The following WIF1 variants were observed in gnomAD, a reference collection of about 807,000 sequenced individuals.
WIF1 encodes Wnt inhibitory factor 1.
A neutral mutation model predicts 53.5 loss-of-function variants in WIF1; 35 were observed. That is an observed-to-expected ratio of 0.65 (90% CI 0.50 to 0.87). The LOEUF (loss-of-function observed/expected upper bound fraction) is 0.87, where lower values mean the gene tolerates loss of function less well. Ranked by LOEUF, WIF1 falls within the 40% of genes least tolerant of loss-of-function variation. The pLI is 0.00. For synonymous variants in WIF1, 171 were observed against 170.4 expected, an observed-to-expected ratio of 1.00 and a Z score of -0.03; for missense variants, 467 against 476.8, an observed-to-expected ratio of 0.98 and a Z score of 0.19.
At chr12:65,079,467 A>G (rs926036162) in intron 2 of WIF1, among the ~76,000 whole-genome samples, 1 of 152,152 alleles carries the variant, frequency 6.6e-6, no homozygotes, top group South Asian at 2.1e-4. Flanking sequence ...ACAGAAATTT[A>G]TAAGCATTGG....
chr12:65,120,448 G>C lies in WIF1; in HGVS notation c.257C>G (p.Ser86Cys). Residue 86 changes from serine to cysteine, a missense_variant, in exon 2 of 10, where the codon TCC becomes TGC. Coordinates refer to ENST00000286574, the MANE Select transcript of WIF1 (RefSeq NM_007191.5). Reference protein sequence around the residue: ...RMPAIPVNIHSMNFTWQAAGQ... With the variant: ...RMPAIPVNIHCMNFTWQAAGQ... ...TGCAGCTTGCCAGGTAAAATTCATG[G>C]AATGGATATTGACAGGAATAGCTGG... 6.2e-7 allele frequency: 1 copy of C among 1,613,420 alleles called. No individual in the cohort carries two copies. The highest frequency in any genetic ancestry group is 8.5e-7 in the Non-Finnish European group (1 of 1,179,888).
chr12:65,076,981 C>A (rs930783464), intron 3 of WIF1, among the ~76,000 whole-genome samples: 2 of 151,610 alleles, frequency 1.3e-5, no homozygotes, highest in African/African-American at 4.9e-5. Flanking sequence ...GAAGGAAATA[C>A]ATTAGGATGA....
chr12:65,087,226 A>G (rs547219149), intron 2 of WIF1, among the ~76,000 whole-genome samples: 9 of 152,276 alleles, frequency 5.9e-5, no homozygotes, highest in African/African-American at 2.2e-4. Context: ...TTCTTCATCA[A>G]TATCTAATTC....
chr12:65,104,082 T>C (rs1023242356), intron 2 of WIF1, among the ~76,000 whole-genome samples: 5 of 152,020 alleles, frequency 3.3e-5, no homozygotes, highest in African/African-American at 1.2e-4. Context: ...AAAAAATGAG[T>C]GCCTTTAGCT....
chr12:65,088,176 C>T (rs1883069405), intron 2 of WIF1, among the ~76,000 whole-genome samples: 1 of 152,146 alleles, frequency 6.6e-6, no homozygotes, highest in African/African-American at 2.4e-5. Flanking sequence ...TCCCAATCCC[C>T]AAGAAATTCT....
At chr12:65,097,638 A>T (rs963861221) in intron 2 of WIF1, among the ~76,000 whole-genome samples, 1 of 152,152 alleles carries the variant, frequency 6.6e-6, no homozygotes, top group African/African-American at 2.4e-5. Flanking sequence ...TCATTTATTC[A>T]TACTAGTCTA....
At chr12:65,107,164 C>T (rs1385631277) in intron 2 of WIF1, among the ~76,000 whole-genome samples, 1 of 152,130 alleles carries the variant, frequency 6.6e-6, no homozygotes, top group Non-Finnish European at 1.5e-5. Flanking sequence ...TTTTACATTG[C>T]CATCTGCTGG....
chr12:65,094,319 G>C (rs1883169125), intron 2 of WIF1, among the ~76,000 whole-genome samples: 1 of 152,128 alleles, frequency 6.6e-6, no homozygotes, highest in East Asian at 1.9e-4. Flanking sequence ...ATATATCGGG[G>C]GGAAAATACT....
chr12:65,062,727 T>C, intron 6 of WIF1, 151 bp from the exon 7 acceptor site: 1 of 700,202 alleles, frequency 1.4e-6, no homozygotes, highest in Non-Finnish European at 2.4e-6. Context: ...AAATACAAAA[T>C]TTGTACCAAT....
chr12:65,109,039 AAC>A (rs1448440232), intron 2 of WIF1, among the ~76,000 whole-genome samples: 3 of 152,164 alleles, frequency 2.0e-5, no homozygotes, highest in Admixed American at 6.5e-5. Flanking sequence ...ATCTTTCCCA[AAC>A]TTATTTCTTA....
Position 65,068,980 on chromosome 12 carries a change from A to G in WIF1, c.398-76T>C, listed in dbSNP as rs74099708. ...TAGTTTTACAGAAATCTTGGGAACC[A>G]AGAGTCAAAGGACAAAGCAAAAATG... On this transcript the variant is annotated intron_variant, in intron 3 of 9. Transcript: ENST00000286574. The G allele has an allele frequency of 5.8e-3, 8,800 of 1,521,876 alleles. 472 individuals are homozygous for G. In the African/African-American group the frequency reaches 0.11, roughly 19 times the overall value. 94.3% of individuals were successfully genotyped at this position (1,521,876 alleles called of 1,614,324 possible). A position where few individuals can be genotyped will look rare whatever the true frequency, so the allele number is the denominator to read the frequency against.
intron 3 of WIF1, among the ~76,000 whole-genome samples, chr12:65,070,345 A>G (rs1216964468): frequency 2.6e-5 from 4 of 152,198 alleles, no homozygotes; most frequent in African/African-American, 9.6e-5. Context: ...AAAAAACAAA[A>G]TTGTGTCTAA....
intron 7 of WIF1, 23 bp downstream of exon 7, chr12:65,062,458 G>A (rs754873049): frequency 6.3e-7 from 1 of 1,589,608 alleles, no homozygotes; most frequent in Non-Finnish European, 8.6e-7. Context: ...CAAGTCAAAA[G>A]AACGCAGAAA....
At chr12:65,120,786 C>T in intron 1 of WIF1, 1 of 762,868 alleles carries the variant, frequency 1.3e-6, no homozygotes, top group Non-Finnish European at 1.9e-6. Flanking sequence ...AGTTAACCGA[C>T]GCAAAAAAAT....
At chr12:65,070,706 G>C (rs991098764) in intron 3 of WIF1, among the ~76,000 whole-genome samples, 1 of 152,036 alleles carries the variant, frequency 6.6e-6, no homozygotes, top group Non-Finnish European at 1.5e-5. Context: ...ACCACATTCA[G>C]CCTCTCCTTT....
chr12:65,078,880 G>A (rs1050106046), intron 2 of WIF1, among the ~76,000 whole-genome samples: 2 of 151,876 alleles, frequency 1.3e-5, no homozygotes, highest in Non-Finnish European at 2.9e-5. Context: ...AAGGGTTTGT[G>A]AAGGCCAGGC....
At chr12:65,085,981 A>G (rs992551857) in intron 2 of WIF1, among the ~76,000 whole-genome samples, 2 of 152,196 alleles carry the variant, frequency 1.3e-5, no homozygotes, top group African/African-American at 4.8e-5. Flanking sequence ...ACTCTCTTTC[A>G]AGATGTCTAA....
intron 2 of WIF1, among the ~76,000 whole-genome samples, chr12:65,107,180 G>C (rs991234087): frequency 6.6e-6 from 1 of 152,194 alleles, no homozygotes; most frequent in African/African-American, 2.4e-5. Context: ...GCTGGTTACT[G>C]CTATAAGTGA....
At chr12:65,096,787 T>C (rs970014354) in intron 2 of WIF1, among the ~76,000 whole-genome samples, 1 of 152,048 alleles carries the variant, frequency 6.6e-6, no homozygotes, top group Non-Finnish European at 1.5e-5. Flanking sequence ...ACACCACATG[T>C]TCTCATTCAT....
Sources: allele counts gnomAD v4.1 joint callset (sites outside exome capture counted in the v4.1 genomes callset), GRCh38; gene constraint gnomAD v4.1.1; transcripts MANE v1.5; gene names NCBI Gene and HGNC (gene_info 2026-07-23, HGNC 2026-07-21).